EXPH5: variants seen among roughly 807,000 people sequenced by gnomAD.
EXPH5 encodes the protein exophilin-5.
In EXPH5, 42 loss-of-function variants were observed where a neutral mutation model predicts 41.1. That is an observed-to-expected ratio of 1.02 (90% CI 0.80 to 1.32). The LOEUF (loss-of-function observed/expected upper bound fraction) is 1.32, where lower values mean the gene tolerates loss of function less well. Among genes scored for constraint, EXPH5 ranks in the 40% most tolerant of loss-of-function variants. EXPH5 has a pLI of 0.00. For synonymous variants in EXPH5, 798 were observed against 833.5 expected, an observed-to-expected ratio of 0.96 and a Z score of 0.73; for missense variants, 2,298 against 2,314.5, an observed-to-expected ratio of 0.99 and a Z score of 0.15.
chr11:108,596,083 T>TAC (rs1187528583), upstream of EXPH5, among the ~76,000 whole-genome samples: 2 of 151,876 alleles, frequency 1.3e-5, no homozygotes, highest in African/African-American at 4.8e-5. Flanking sequence ...TAGTCCCAGC[T>TAC]ACTCGGGAGG....
chr11:108,540,600 C>T (rs772422405), intron 2 of EXPH5, among the ~76,000 whole-genome samples: 33 of 151,992 alleles, frequency 2.2e-4, no homozygotes, highest in Admixed American at 6.6e-4. Context: ...AATGTGACTC[C>T]GCGTCAGTAA....
rs2094134158 is a variant in EXPH5, at chr11:108,593,699, C to T, written c.-163G>A. The T allele has an allele frequency of 6.5e-7, 1 of 1,545,132 alleles. No individual in the cohort carries two copies. The highest frequency in any genetic ancestry group is 1.4e-5 in the African/African-American group (1 of 73,154). On this transcript the variant is annotated 5_prime_UTR_variant, in exon 1 of 6. Transcript: ENST00000265843. Reference sequence around the variant, plus strand: ...CCACAAACCTAGGGAACGCCCACACCTGAAGGGCTCATATTGACAATACCT... The same window carrying T: ...CCACAAACCTAGGGAACGCCCACACTTGAAGGGCTCATATTGACAATACCT...
intron 1 of EXPH5, among the ~76,000 whole-genome samples, chr11:108,565,450 C>T (rs979531083): frequency 1.3e-5 from 2 of 152,158 alleles, no homozygotes; most frequent in African/African-American, 4.8e-5. Context: ...CACACCTAAG[C>T]TTCTTGGTTG....
intron 1 of EXPH5, among the ~76,000 whole-genome samples, chr11:108,551,070 C>T (rs539191471): frequency 1.6e-3 from 251 of 152,238 alleles, no homozygotes; most frequent in Non-Finnish European, 2.3e-3. Context: ...TTGCCATCTG[C>T]CGGATTTTGC....
At chr11:108,524,296 G>A (rs1194460846) in intron 4 of EXPH5, among the ~76,000 whole-genome samples, 1 of 152,174 alleles carries the variant, frequency 6.6e-6, no homozygotes, top group Non-Finnish European at 1.5e-5. Flanking sequence ...AATACCCATT[G>A]CCTAGGGTTG....
intron 1 of EXPH5, among the ~76,000 whole-genome samples, chr11:108,567,472 C>T (rs1471031434): frequency 6.6e-6 from 1 of 152,124 alleles, no homozygotes; most frequent in Non-Finnish European, 1.5e-5. Context: ...TTCTCTTCTC[C>T]AAAACCCTAC....
intron 1 of EXPH5, among the ~76,000 whole-genome samples, chr11:108,552,927 G>A (rs894225217): frequency 9.2e-5 from 14 of 152,104 alleles, no homozygotes; most frequent in African/African-American, 3.4e-4. Context: ...CGGGTGCGGT[G>A]GCTCATGCCT....
intron 1 of EXPH5, among the ~76,000 whole-genome samples, chr11:108,544,766 A>C (rs1321475341): frequency 1.3e-5 from 2 of 152,248 alleles, no homozygotes; most frequent in Admixed American, 1.3e-4. Context: ...ATGAAGCAGG[A>C]AAATGAAAAT....
At chr11:108,563,171 A>C (rs2094020246) in intron 1 of EXPH5, among the ~76,000 whole-genome samples, 1 of 152,270 alleles carries the variant, frequency 6.6e-6, no homozygotes, top group African/African-American at 2.4e-5. Flanking sequence ...GGAAGAGCTT[A>C]ATTTTGTCCC....
intron 1 of EXPH5, among the ~76,000 whole-genome samples, chr11:108,571,798 C>A (rs1258702599): frequency 6.6e-6 from 1 of 152,096 alleles, no homozygotes; most frequent in South Asian, 2.1e-4. Flanking sequence ...CGGTGGCTCA[C>A]GCTTGTAATC....
intron 4 of EXPH5, among the ~76,000 whole-genome samples, chr11:108,520,474 T>TA (rs1165048701): frequency 7.9e-5 from 12 of 152,152 alleles, no homozygotes; most frequent in Non-Finnish European, 1.2e-4. Flanking sequence ...TAAATGGCTT[T>TA]AAAAAAACCT....
At position 108,513,736 on chromosome 11, in the gene EXPH5, G is replaced by A. The variant is rs1017611015; in HGVS notation, c.1771C>T (p.His591Tyr). Residue 591 changes from histidine (H) to tyrosine (Y), a missense_variant, in exon 6 of 6, where the codon CAC becomes TAC. Physicochemically the swap from His to Tyr is moderately conservative, Grantham distance 83 (BLOSUM62 2). Coordinates refer to ENST00000265843, the MANE Select transcript of EXPH5 (RefSeq NM_015065.3). ...CTTACCAACTCACTAGATTTGACGTGATAGCTTGAACCAGTCATGGAGCAA... is the reference window on the plus strand; with the variant it reads ...CTTACCAACTCACTAGATTTGACGTAATAGCTTGAACCAGTCATGGAGCAA... Reference protein sequence around the residue: ...NVCSMTGSSYHVKSSELVSQQ... With the variant: ...NVCSMTGSSYYVKSSELVSQQ... The A allele has an allele frequency of 5.6e-6, 9 of 1,611,772 alleles. No homozygotes were observed.
At chr11:108,556,915 C>A (rs543980120) in intron 1 of EXPH5, among the ~76,000 whole-genome samples, 2 of 152,340 alleles carry the variant, frequency 1.3e-5, no homozygotes, top group South Asian at 4.1e-4. Flanking sequence ...TAGTGTCTGA[C>A]CTTCTGCCTT....
intron 1 of EXPH5, among the ~76,000 whole-genome samples, chr11:108,579,068 C>G (rs1250836491): frequency 6.6e-6 from 1 of 152,118 alleles, no homozygotes; most frequent in Non-Finnish European, 1.5e-5. Context: ...AAAGGGGTAT[C>G]CTTGTCTTGT....
At chr11:108,593,315 C>T (rs995563527) in intron 1 of EXPH5, 103 bp downstream of exon 1, 3 of 969,924 alleles carry the variant, frequency 3.1e-6, no homozygotes, top group East Asian at 2.4e-5. Flanking sequence ...CCGCTCGGAG[C>T]ACCCCCGGGC....
intron 2 of EXPH5, among the ~76,000 whole-genome samples, chr11:108,540,883 C>G (rs2093908952): frequency 1.3e-5 from 2 of 151,246 alleles, no homozygotes; most frequent in South Asian, 4.2e-4. Flanking sequence ...AAGTGCTTAC[C>G]CTGTTCCAGC....
chr11:108,555,533 C>T (rs1195697626), intron 1 of EXPH5, among the ~76,000 whole-genome samples: 1 of 152,186 alleles, frequency 6.6e-6, no homozygotes, highest in East Asian at 1.9e-4. Flanking sequence ...GCCCAAGTCA[C>T]CACCATCTTT....
At chr11:108,518,188 C>T in intron 5 of EXPH5, 47 bp downstream of exon 5, 1 of 1,561,624 alleles carries the variant, frequency 6.4e-7, no homozygotes, top group Non-Finnish European at 8.8e-7. Flanking sequence ...TTGTTTACTT[C>T]CTTTAGTTAT....
At chr11:108,601,723 TTTTC>T in the EXPH5 span, among the ~76,000 whole-genome samples, 1 of 151,952 alleles carries the variant, frequency 6.6e-6, no homozygotes, top group African/African-American at 2.4e-5. Flanking sequence ...TTCCTTTCTT[TTTTC>T]TTTCTTTCTT....
Sources: gnomAD v4.1 joint callset for allele counts (sites outside exome capture counted in the v4.1 genomes callset) on GRCh38, gnomAD v4.1.1 for gene constraint, MANE v1.5 for transcripts, NCBI Gene and HGNC (gene_info 2026-07-23, HGNC 2026-07-21) for gene names.